Variants in CFAP65 observed in about 807,000 individuals in gnomAD.
CFAP65 encodes cilia and flagella associated protein 65.
In CFAP65, 155 loss-of-function variants were observed where a neutral mutation model predicts 208.0. The observed-to-expected ratio is 0.75, with a 90% CI of 0.65 to 0.85. The LOEUF (loss-of-function observed/expected upper bound fraction) is 0.85. Ranked by LOEUF, CFAP65 falls within the 40% of genes least tolerant of loss-of-function variation. The pLI, the probability that CFAP65 is intolerant of heterozygous loss-of-function variation, is 0.00. For synonymous variants in CFAP65, 970 were observed against 986.3 expected, an observed-to-expected ratio of 0.98 and a Z score of 0.31; for missense variants, 2,294 against 2,451.3, an observed-to-expected ratio of 0.94 and a Z score of 1.36.
chr2:219,030,189 A>T lies in CFAP65; in HGVS notation c.1181T>A (p.Ile394Asn), dbSNP rs187521129. ...NPSAVNAPFRIEISPDELAED... is the reference protein window; with the variant it reads ...NPSAVNAPFRNEISPDELAED... ...GGCCAGTTCATCCGGGGAAATTTCA[A>T]TCCTGAAGGGGGCATTTACCTGTGT... Residue 394 changes from isoleucine to asparagine, a missense_variant, in exon 10 of 35, where the codon ATT becomes AAT. Ile to Asn is a moderately radical substitution (Grantham distance 149, BLOSUM62 -3). Coordinates refer to ENST00000341552, the MANE Select transcript of CFAP65 (RefSeq NM_194302.4). The T allele has an allele frequency of 2.5e-6, 4 of 1,614,056 alleles. No individual in the cohort carries two copies. In the East Asian group the frequency reaches 8.9e-5, roughly 36 times the overall value.
Position 219,031,091 on chromosome 2 carries a change from G to A in CFAP65, c.1015+15C>T, listed in dbSNP as rs1320335413. 1 of 1,571,056 alleles carries A rather than the reference G, an allele frequency of 6.4e-7. No homozygotes were observed. Among genetic ancestry groups the A allele is most frequent in the East Asian group, 2.3e-5 (1 of 42,764 alleles). ...GGAGGGGCCAGTCTGGGGACGGTGG[G>A]AGGTTGGGCCTCACCCACAGCCTGC... On this transcript the variant is annotated intron_variant, in intron 8 of 34. Coordinates refer to ENST00000341552, the MANE Select transcript of CFAP65 (RefSeq NM_194302.4). The surrounding 1 kb of genome is among the most constrained non-coding windows in gnomAD (Gnocchi z 5.2).
At chr2:219,036,695 T>G (rs1355964345) in intron 4 of CFAP65, among the ~76,000 whole-genome samples, 1 of 152,190 alleles carries the variant, frequency 6.6e-6, no homozygotes, top group Non-Finnish European at 1.5e-5. Flanking sequence ...CCACCCACCT[T>G]GGCCTCCCAA....
intron 1 of CFAP65, chr2:219,041,284 G>C (rs1948642252): frequency 5.7e-6 from 3 of 527,450 alleles, no homozygotes; most frequent in Non-Finnish European, 1.0e-5. Flanking sequence ...AATACACTTA[G>C]AGCTGTTTCT....
chr2:219,029,245 C>A (rs905917877), intron 11 of CFAP65, among the ~76,000 whole-genome samples, 158 bp downstream of exon 11: 1 of 152,176 alleles, frequency 6.6e-6, no homozygotes, highest in African/African-American at 2.4e-5. Flanking sequence ...TGCACACTGG[C>A]TCCAAAAGCC....
At chr2:219,005,034 A>C (rs767290723) in intron 32 of CFAP65, among the ~76,000 whole-genome samples, 2 of 144,634 alleles carry the variant, frequency 1.4e-5, no homozygotes, top group Non-Finnish European at 3.0e-5. Flanking sequence ...TTTTTGAAAA[A>C]AAGCTCTGTC....
At chr2:219,023,111 G>T in intron 16 of CFAP65, 96 bp downstream of exon 16, 1 of 1,009,954 alleles carries the variant, frequency 9.9e-7, no homozygotes, top group Non-Finnish European at 1.5e-6. Flanking sequence ...GGATGGAATT[G>T]GGGGCTGCAC....
At chr2:219,017,080 A>G (rs1321348328) in intron 21 of CFAP65, among the ~76,000 whole-genome samples, 1 of 152,230 alleles carries the variant, frequency 6.6e-6, no homozygotes, top group Non-Finnish European at 1.5e-5. Context: ...TGACCCCGCA[A>G]CAGGAGGCTA....
intron 14 of CFAP65, 86 bp from the exon 15 acceptor site, chr2:219,024,346 G>T: frequency 6.7e-7 from 1 of 1,502,370 alleles, no homozygotes; most frequent in South Asian, 1.3e-5. Context: ...GGCTTGGGAG[G>T]AGCTGTCTCC....
intron 15 of CFAP65, 113 bp from the exon 16 acceptor site, chr2:219,023,544 C>A: frequency 1.4e-6 from 1 of 738,392 alleles, no homozygotes; most frequent in Non-Finnish European, 2.3e-6. Flanking sequence ...AGCAGGCAGT[C>A]AAAGGCCCTC....
Position 219,029,988 on chromosome 2 carries a change from C to G in CFAP65, c.1382G>C (p.Arg461Thr), listed in dbSNP as rs769350168. The change falls in exon 10 of 35, where the codon AGA becomes ACA. Residue 461 changes from arginine to threonine, a missense_variant and splice_region_variant. Coordinates refer to ENST00000341552, the MANE Select transcript of CFAP65 (RefSeq NM_194302.4). The stretch of plus-strand genomic sequence containing the variant: ...GAGGCCCCTGGGGTCACCGGTACCT[C>G]TACAGAAACCAACGACTTTAAGCAG... Reference protein sequence around the residue: ...KTLLKVVGFCRGPAVSLQHYC... With the variant: ...KTLLKVVGFCTGPAVSLQHYC... 1.2e-6 allele frequency: 2 copies of G among 1,613,674 alleles called. No homozygotes were observed. The highest frequency in any genetic ancestry group is 1.7e-6 in the Non-Finnish European group (2 of 1,179,914).
intron 3 of CFAP65, 134 bp from the exon 4 acceptor site, chr2:219,038,712 C>A: frequency 9.0e-7 from 1 of 1,111,892 alleles, no homozygotes; most frequent in Non-Finnish European, 1.3e-6. Flanking sequence ...TGCTACCTGG[C>A]ACCATGAGGA....
chr2:219,023,431 C>T lies in CFAP65; in HGVS notation c.2596G>A (p.Glu866Lys), dbSNP rs780287018. ...TCCTCCCGGCTGTACATGCTCACCT[C>T]CTGGAGCCAGAGGAAGAAGGGCAGT... ...QCNASPQYLK[E>K]VSMYSREEPL... Residue 866 changes from glutamate to lysine, a missense_variant and splice_region_variant, in exon 16 of 35, where the codon GAG becomes AAG. Transcript: ENST00000341552. The T allele has an allele frequency of 2.6e-6, 4 of 1,563,804 alleles. No individual in the cohort carries two copies. In the South Asian group the frequency reaches 4.7e-5, roughly 18 times the overall value.
Position 219,032,564 on chromosome 2 carries a change from T to C in CFAP65, c.551A>G (p.Lys184Arg). 6.3e-7 allele frequency: 1 copy of C among 1,598,392 alleles called. No homozygotes were observed. The highest frequency in any genetic ancestry group is 8.5e-7 in the Non-Finnish European group (1 of 1,172,362). ...GATGACCGTGAAGAAGAACTTGGTC[T>C]TGGGGGGCCTGCAGGAGAGAGCCGG... ...KLQKMKYRPP[K>R]TKFFFTVIPQ... The change falls in exon 6 of 35, where the codon AAG (lysine) becomes AGG (arginine). Residue 184 changes from lysine (K) to arginine (R), a missense_variant. By Grantham distance (26) the Lys-to-Arg change is conservative. Transcript: ENST00000341552. This position sits in a 1 kb window ranked among gnomAD's most constrained non-coding sequence, Gnocchi z 5.5.
intron 27 of CFAP65, among the ~76,000 whole-genome samples, 159 bp from the exon 28 acceptor site, chr2:219,009,619 A>AATGGGATGGGATGGGATGGGATGGG (rs58969836): frequency 5.9e-5 from 6 of 101,226 alleles, no homozygotes; most frequent in African/African-American, 2.6e-4. Flanking sequence ...GACAAGATGG[A>AATGGGATGGGATGGGATGGGATGGG]ATGGGATGGG....
chr2:219,027,744 G>A lies in CFAP65; in HGVS notation c.2117C>T (p.Pro706Leu), dbSNP rs1290273514. 3 of 1,614,000 alleles carry A rather than the reference G, an allele frequency of 1.9e-6. No individual in the cohort carries two copies. Among genetic ancestry groups the A allele is most frequent in the Non-Finnish European group, 2.5e-6 (3 of 1,180,040 alleles). ...FWVTPESCDV[P>L]PLKSMAMRLH... Reference sequence around the variant, plus strand: ...GCGCATGGCCATGGACTTGAGTGGGGGCACGTCGCAGCTCTCTGGAGTCAC... The same window carrying A: ...GCGCATGGCCATGGACTTGAGTGGGAGCACGTCGCAGCTCTCTGGAGTCAC... Residue 706 changes from proline (P) to leucine (L), a missense_variant, in exon 13 of 35, where the codon CCC becomes CTC. By Grantham distance (98) the Pro-to-Leu change is moderately conservative. Around this residue, in one of 2 missense-constraint regions of CFAP65, gnomAD observed 867 missense variants for 1,012.6 expected, o/e 0.86. Coordinates refer to ENST00000341552, the MANE Select transcript of CFAP65 (RefSeq NM_194302.4).
At position 219,030,070 on chromosome 2, in the gene CFAP65, C is replaced by T; in HGVS notation, c.1300G>A (p.Asp434Asn). ...GAGCAGTAGTCCACAGTTCTGGTGT[C>T]CAGAGTCTTGGGGTGGAAGAACACC... is the stretch of plus-strand genomic sequence containing the variant. ...VSVFFHPKTL[D>N]TRTVDYCSIM... The change falls in exon 10 of 35, where the codon GAC (aspartate) becomes AAC (asparagine). Residue 434 changes from aspartate (D) to asparagine (N), a missense_variant. Asp to Asn is a conservative substitution (Grantham distance 23, BLOSUM62 1). Around this residue, in one of 2 missense-constraint regions of CFAP65, gnomAD observed 867 missense variants for 1,012.6 expected, o/e 0.86. Coordinates refer to ENST00000341552, the MANE Select transcript of CFAP65 (RefSeq NM_194302.4). 6.2e-7 allele frequency: 1 copy of T among 1,614,068 alleles called. No homozygotes were observed. The highest frequency in any genetic ancestry group is 1.1e-5 in the South Asian group (1 of 91,074).
intron 24 of CFAP65, among the ~76,000 whole-genome samples, chr2:219,011,715 A>T (rs1453298521): frequency 1.3e-5 from 2 of 152,188 alleles, no homozygotes; most frequent in East Asian, 3.8e-4. Flanking sequence ...CCTTTTAGAG[A>T]TGAGAAAATT....
chr2:219,041,545 G>A, upstream of CFAP65: 1 of 1,550,464 alleles, frequency 6.4e-7, no homozygotes, highest in Non-Finnish European at 8.7e-7. Flanking sequence ...GGCGTCTTCA[G>A]ATATCCCAGG....
In CFAP65 at chr2:219,038,509, C is replaced by G; in HGVS notation, c.223G>C (p.Val75Leu). The G allele has an allele frequency of 6.2e-7, 1 of 1,614,166 alleles. No individual in the cohort carries two copies. Among genetic ancestry groups the G allele is most frequent in the South Asian group, 1.1e-5 (1 of 91,078 alleles). Residue 75 changes from valine (V) to leucine (L), a missense_variant, in exon 4 of 35, where the codon GTC becomes CTC. By Grantham distance (32) the Val-to-Leu change is conservative. Around this residue, in one of 2 missense-constraint regions of CFAP65, gnomAD observed 867 missense variants for 1,012.6 expected, o/e 0.86. Coordinates refer to ENST00000341552, the MANE Select transcript of CFAP65 (RefSeq NM_194302.4). ...DMMLTQAPSS[V>L]VRSRNSRNHT... ...TTCCTGCTGTTCCTGGACCTCACGA[C>G]GGAGCTTGGAGCCTGGGTGAGCATC...
Sources: gnomAD v4.1 joint callset for allele counts (sites outside exome capture counted in the v4.1 genomes callset) on GRCh38, gnomAD v4.1.1 for gene constraint, gnomAD v4.1.1 regional missense constraint, Gnocchi (gnomAD v3.1) non-coding constraint, MANE v1.5 for transcripts, NCBI Gene and HGNC (gene_info 2026-07-23, HGNC 2026-07-21) for gene names.